Variants in DCDC2C observed in about 807,000 individuals in gnomAD.
DCDC2C encodes doublecortin domain-containing protein 2C.
In DCDC2C, 44 loss-of-function variants were observed where a neutral mutation model predicts 45.0. The ratio of observed to expected loss-of-function variants is 0.98; its 90% CI spans 0.77 to 1.26. The LOEUF (loss-of-function observed/expected upper bound fraction) is 1.26. DCDC2C is among the 50% of genes most tolerant of loss of function. DCDC2C has a pLI of 0.00. For missense variants in DCDC2C, 447 were observed against 468.9 expected, an observed-to-expected ratio of 0.95 and a Z score of 0.43; for synonymous variants, 187 against 178.8, an observed-to-expected ratio of 1.05 and a Z score of -0.37.
intron 10 of DCDC2C, among the ~76,000 whole-genome samples, chr2:3,837,617 T>TAAGGATACAGTATCAAGA (rs1672112958): frequency 2.0e-5 from 2 of 101,946 alleles, no homozygotes; most frequent in Non-Finnish European, 2.3e-5. Flanking sequence ...GGGAAGAAAC[T>TAAGGATACAGTATCAAGA]GAGGAAGAAA....
chr2:3,752,676 T>C (rs1284446602), intron 4 of DCDC2C, 87 bp from the exon 5 acceptor site: 5 of 1,441,388 alleles, frequency 3.5e-6, no homozygotes, highest in Non-Finnish European at 3.8e-6. Context: ...CATGCACTAG[T>C]CATGTCATAG....
At chr2:3,782,401 A>C (rs1670536333) in intron 9 of DCDC2C, among the ~76,000 whole-genome samples, 1 of 152,134 alleles carries the variant, frequency 6.6e-6, no homozygotes, top group African/African-American at 2.4e-5. Flanking sequence ...AATTCTGACG[A>C]TATTGGGCAC....
chr2:3,842,282 C>G (rs1389311320), intron 10 of DCDC2C, among the ~76,000 whole-genome samples: 1 of 152,026 alleles, frequency 6.6e-6, no homozygotes, highest in African/African-American at 2.4e-5. Context: ...GAGGTGTGTA[C>G]TGGATACCCT....
intron 10 of DCDC2C, among the ~76,000 whole-genome samples, chr2:3,813,732 C>CT (rs3067128): frequency 0.1 from 10,143 of 99,058 alleles, 819 homozygotes; most frequent in East Asian, 0.33. Context: ...GCAACCCCTG[C>CT]TTTTTTTTTT....
intron 10 of DCDC2C, among the ~76,000 whole-genome samples, chr2:3,824,785 G>A (rs575450691): frequency 1.3e-5 from 2 of 151,880 alleles, no homozygotes; most frequent in Admixed American, 6.5e-5. Context: ...GATGCCTGTT[G>A]CCTGCTGAGG....
intron 3 of DCDC2C, 105 bp from the exon 4 acceptor site, chr2:3,741,815 C>G: frequency 3.3e-6 from 4 of 1,211,428 alleles, no homozygotes; most frequent in Non-Finnish European, 4.5e-6. Flanking sequence ...CTGCTTAGTG[C>G]ATCTCATTGT....
chr2:3,813,688 C>T, intron 10 of DCDC2C, among the ~76,000 whole-genome samples: 2 of 131,528 alleles, frequency 1.5e-5, no homozygotes, highest in Admixed American at 7.7e-5. Context: ...GTGACCTTTG[C>T]TGGTTAAAGT....
intron 2 of DCDC2C, among the ~76,000 whole-genome samples, chr2:3,719,884 C>T (rs1668447192): frequency 6.6e-6 from 1 of 152,234 alleles, no homozygotes; most frequent in Non-Finnish European, 1.5e-5. Context: ...CAGAGAATAG[C>T]TCAGAGCTCT....
chr2:3,815,800 A>G lies in DCDC2C; in HGVS notation c.1065+30700A>G, dbSNP rs537065640. 8.5e-5 allele frequency among the ~76,000 whole-genome samples: 13 copies of G among 152,254 alleles called. No homozygotes were observed. The South Asian group carries it at 2.7e-3, about 32-fold the overall frequency. On this transcript the variant is annotated intron_variant, in intron 10 of 10. Transcript: ENST00000399143. Reference sequence around the variant, plus strand: ...CCAGGAGAAGGAATTTCACAAGGTAATGTCATCAGTTAAGGCAGGAACAGG... The same window carrying G: ...CCAGGAGAAGGAATTTCACAAGGTAGTGTCATCAGTTAAGGCAGGAACAGG...
At chr2:3,798,364 A>G (rs1572626388) in intron 10 of DCDC2C, among the ~76,000 whole-genome samples, 1 of 151,328 alleles carries the variant, frequency 6.6e-6, no homozygotes, top group Non-Finnish European at 1.5e-5. Context: ...CATTTAGTCC[A>G]TTTATATTTA....
chr2:3,820,573 C>G (rs1671663261), intron 10 of DCDC2C, among the ~76,000 whole-genome samples: 1 of 152,230 alleles, frequency 6.6e-6, no homozygotes, highest in East Asian at 1.9e-4. Context: ...GCAGGTGTCC[C>G]CACAGTGATT....
intron 10 of DCDC2C, among the ~76,000 whole-genome samples, chr2:3,846,288 CCTT>C (rs1252917323): frequency 1.8e-4 from 28 of 151,794 alleles, no homozygotes; most frequent in African/African-American, 6.3e-4. Context: ...TCCTCCTCCT[CCTT>C]GTTCTTGTGA....
At chr2:3,782,089 C>T (rs889634789) in intron 9 of DCDC2C, among the ~76,000 whole-genome samples, 11 of 152,212 alleles carry the variant, frequency 7.2e-5, no homozygotes, top group Non-Finnish European at 1.6e-4. Context: ...CCCCTCACAC[C>T]GAAACTCTGT....
At chr2:3,803,158 CCT>C (rs1453261431) in intron 10 of DCDC2C, among the ~76,000 whole-genome samples, 1 of 152,184 alleles carries the variant, frequency 6.6e-6, no homozygotes, top group African/African-American at 2.4e-5. Context: ...TGGCTCTACC[CCT>C]GATATTCTCG....
At chr2:3,705,500 A>G (rs980642598) in intron 1 of DCDC2C, among the ~76,000 whole-genome samples, 3 of 152,222 alleles carry the variant, frequency 2.0e-5, no homozygotes, top group African/African-American at 7.2e-5. Flanking sequence ...ATCTCTACAA[A>G]AACTGCCTTT....
intron 3 of DCDC2C, among the ~76,000 whole-genome samples, chr2:3,730,960 G>A (rs1013205506): frequency 6.6e-6 from 1 of 152,198 alleles, no homozygotes; most frequent in African/African-American, 2.4e-5. Context: ...CTACAAACAG[G>A]TGGCACTGAG....
intron 9 of DCDC2C, among the ~76,000 whole-genome samples, chr2:3,780,076 G>A (rs1044085572): frequency 6.6e-6 from 1 of 152,202 alleles, no homozygotes; most frequent in Admixed American, 6.5e-5. Flanking sequence ...TATCCTGTCT[G>A]TATCTGGATG....
intron 10 of DCDC2C, among the ~76,000 whole-genome samples, chr2:3,836,290 C>T (rs1469799766): frequency 6.6e-6 from 1 of 152,048 alleles, no homozygotes; most frequent in East Asian, 1.9e-4. Context: ...TTACAAAATA[C>T]CCAACCAGTA....
intron 10 of DCDC2C, among the ~76,000 whole-genome samples, chr2:3,828,435 A>G (rs1671878775): frequency 6.6e-6 from 1 of 152,164 alleles, no homozygotes; most frequent in African/African-American, 2.4e-5. Flanking sequence ...GGTGACAGTG[A>G]GTTATTTTAT....
Sources: allele counts gnomAD v4.1 joint callset (sites outside exome capture counted in the v4.1 genomes callset), GRCh38; gene constraint gnomAD v4.1.1; transcripts MANE v1.5; gene names NCBI Gene and HGNC (gene_info 2026-07-23, HGNC 2026-07-21).